The following LIN9 variants were observed in gnomAD, a reference collection of about 807,000 sequenced individuals.
LIN9 encodes the protein protein lin-9 homolog.
A neutral mutation model predicts 78.0 loss-of-function variants in LIN9; 18 were observed. The observed-to-expected ratio is 0.23, with a 90% CI of 0.16 to 0.34. The LOEUF is 0.34. Among genes scored for constraint, LIN9 ranks in the 10% least tolerant of loss-of-function variants. The pLI is 1.00. For missense variants in LIN9, 451 were observed against 644.1 expected, an observed-to-expected ratio of 0.70 and a Z score of 3.25; for synonymous variants, 192 against 215.2, an observed-to-expected ratio of 0.89 and a Z score of 0.94.
intron 2 of LIN9, among the ~76,000 whole-genome samples, chr1:226,300,634 T>G (rs1288243085): frequency 2.0e-5 from 3 of 152,150 alleles, no homozygotes; most frequent in African/African-American, 7.2e-5. Context: ...GGTGGGCAGA[T>G]CACTTGAGGC....
intron 4 of LIN9, among the ~76,000 whole-genome samples, chr1:226,289,334 T>G (rs1019464457): frequency 4.0e-5 from 6 of 150,100 alleles, no homozygotes; most frequent in African/African-American, 4.9e-5. Flanking sequence ...TAAACCAATT[T>G]TGTGTGTGTG....
intron 10 of LIN9, among the ~76,000 whole-genome samples, chr1:226,261,297 T>C (rs1251229436): frequency 2.7e-5 from 4 of 148,370 alleles, no homozygotes; most frequent in African/African-American, 5.0e-5. Flanking sequence ...TGCAATAAGA[T>C]AAGAAAGAGA....
intron 7 of LIN9, 41 bp from the exon 8 acceptor site, chr1:226,268,131 AAAG>A (rs1163603094): frequency 2.5e-6 from 4 of 1,590,048 alleles, no homozygotes; most frequent in Admixed American, 1.7e-5. Flanking sequence ...TGGGAGATAC[AAAG>A]AATAGTCAAA....
At chr1:226,281,449 GT>G (rs758449882) in intron 6 of LIN9, among the ~76,000 whole-genome samples, 5 of 151,916 alleles carry the variant, frequency 3.3e-5, no homozygotes, top group Admixed American at 2.6e-4. Flanking sequence ...TTTTTACTTT[GT>G]TTTTTATTGA....
intron 10 of LIN9, among the ~76,000 whole-genome samples, chr1:226,258,674 A>T (rs1659360443): frequency 6.6e-6 from 1 of 151,420 alleles, no homozygotes; most frequent in East Asian, 2.0e-4. Flanking sequence ...GCGGATCACA[A>T]GGTCAGGAGA....
At chr1:226,238,018 AAAGTATGC>A (rs1657846132) in intron 12 of LIN9, among the ~76,000 whole-genome samples, 1 of 152,124 alleles carries the variant, frequency 6.6e-6, no homozygotes, top group African/African-American at 2.4e-5. Context: ...ACACAACCTC[AAAGTATGC>A]AAATTCAGGA....
intron 7 of LIN9, among the ~76,000 whole-genome samples, chr1:226,272,419 A>C: frequency 7.0e-6 from 1 of 143,306 alleles, no homozygotes. Context: ...TAGCTGTGTC[A>C]CCCAAACTGG....
chr1:226,236,692 C>T (rs749622960), intron 12 of LIN9, among the ~76,000 whole-genome samples: 1 of 152,114 alleles, frequency 6.6e-6, no homozygotes, highest in Non-Finnish European at 1.5e-5. Context: ...CTCCTGACCT[C>T]GTGATCCGCC....
intron 1 of LIN9, among the ~76,000 whole-genome samples, chr1:226,302,681 T>C (rs1205676752): frequency 6.6e-6 from 1 of 152,030 alleles, no homozygotes; most frequent in African/African-American, 2.4e-5. Context: ...TTAAGGATGA[T>C]CTCAGGGGAT....
chr1:226,245,599 T>A (rs561108470), intron 11 of LIN9, among the ~76,000 whole-genome samples: 41 of 150,728 alleles, frequency 2.7e-4, no homozygotes, highest in African/African-American at 8.7e-4. Flanking sequence ...AAACAAAAAT[T>A]TTTTTTTTTT....
upstream of LIN9, chr1:226,309,485 C>A: frequency 9.0e-7 from 1 of 1,113,496 alleles, no homozygotes; most frequent in Non-Finnish European, 1.1e-6. Flanking sequence ...GCGCATGTTC[C>A]GCGGCCCGCG....
At chr1:226,275,698 AAAAAAAAAAAAAAAG>A (rs1660609172) in intron 7 of LIN9, among the ~76,000 whole-genome samples, 2 of 143,614 alleles carry the variant, frequency 1.4e-5, no homozygotes, top group Non-Finnish European at 3.1e-5. Context: ...TCTCAGAAAA[AAAAAAAAAAAAAAAG>A]AAAAAAAGAA....
At chr1:226,249,179 A>G (rs1576289218) in intron 11 of LIN9, among the ~76,000 whole-genome samples, 2 of 152,238 alleles carry the variant, frequency 1.3e-5, no homozygotes, top group East Asian at 3.8e-4. Context: ...GTGACCAGAG[A>G]AAAACAGAAG....
chr1:226,306,096 G>A (rs930433642), intron 1 of LIN9, among the ~76,000 whole-genome samples: 6 of 151,962 alleles, frequency 3.9e-5, no homozygotes, highest in Non-Finnish European at 5.9e-5. Context: ...AGGTTGAGGC[G>A]GGTGCATCAC....
chr1:226,256,640 G>T (rs1213935471), intron 10 of LIN9, among the ~76,000 whole-genome samples: 1 of 150,952 alleles, frequency 6.6e-6, no homozygotes, highest in Non-Finnish European at 1.5e-5. Flanking sequence ...CTCACTGCAA[G>T]CTCCGCCTCC....
At chr1:226,294,909 C>G (rs1662045033) in intron 4 of LIN9, among the ~76,000 whole-genome samples, 1 of 151,632 alleles carries the variant, frequency 6.6e-6, no homozygotes, top group Non-Finnish European at 1.5e-5. Context: ...AAACGATTCT[C>G]ATGCCTCAGC....
intron 8 of LIN9, among the ~76,000 whole-genome samples, chr1:226,267,337 T>C (rs1325294941): frequency 6.8e-6 from 1 of 147,436 alleles, no homozygotes; most frequent in African/African-American, 2.5e-5. Flanking sequence ...TATGTATGTA[T>C]GTATGTATAT....
chr1:226,307,398 C>T (rs559857145), intron 1 of LIN9, among the ~76,000 whole-genome samples: 2 of 152,100 alleles, frequency 1.3e-5, no homozygotes, highest in Admixed American at 6.6e-5. Flanking sequence ...TTTGGGAGGC[C>T]GAGGCGGGTG....
At chr1:226,295,486 T>A (rs1020562069) in intron 4 of LIN9, among the ~76,000 whole-genome samples, 3 of 151,528 alleles carry the variant, frequency 2.0e-5, no homozygotes, top group African/African-American at 7.2e-5. Flanking sequence ...ATATATATAT[T>A]TTTTTCCTCT....
Sources: allele counts gnomAD v4.1 joint callset (sites outside exome capture counted in the v4.1 genomes callset), GRCh38; gene constraint gnomAD v4.1.1; transcripts MANE v1.5; gene names NCBI Gene and HGNC (gene_info 2026-07-23, HGNC 2026-07-21).